DNAH6: variants seen among roughly 807,000 people sequenced by gnomAD.
DNAH6 encodes dynein axonemal heavy chain 6, also known as axonemal beta dynein heavy chain 6.
DNAH6 carries 340 observed loss-of-function variants against 491.4 expected under a neutral mutation model. The observed-to-expected ratio is 0.69, with a 90% CI of 0.63 to 0.76. The LOEUF (loss-of-function observed/expected upper bound fraction) is 0.76. Ranked by LOEUF, DNAH6 falls within the 30% of genes least tolerant of loss-of-function variation. DNAH6 has a pLI of 0.00. For synonymous variants in DNAH6, 1,603 were observed against 1,686.1 expected (o/e 0.95, Z 1.21); for missense variants, 4,443 against 4,972.2 (o/e 0.89, Z 3.20).
At chr2:84,683,109 C>A (rs1693940179) in intron 42 of DNAH6, among the ~76,000 whole-genome samples, 1 of 152,184 alleles carries the variant, frequency 6.6e-6, no homozygotes. Flanking sequence ...ACCTTCTCAG[C>A]AAAACTTCCC....
At chr2:84,574,266 G>A (rs1306870393) in intron 12 of DNAH6, among the ~76,000 whole-genome samples, 1 of 151,560 alleles carries the variant, frequency 6.6e-6, no homozygotes, top group Non-Finnish European at 1.5e-5. Context: ...CTATGAACCA[G>A]CACTAATTTT....
chr2:84,665,685 G>A (rs1410424426), intron 37 of DNAH6, among the ~76,000 whole-genome samples: 1 of 152,150 alleles, frequency 6.6e-6, no homozygotes, highest in African/African-American at 2.4e-5. Flanking sequence ...AGAGGAGCTG[G>A]TACCATTCCT....
the DNAH6 span, among the ~76,000 whole-genome samples, chr2:84,479,863 G>T: frequency 1.3e-5 from 2 of 152,248 alleles, no homozygotes; most frequent in African/African-American, 4.8e-5. Context: ...GGTTATGGAA[G>T]CTCTGGCTCA....
intron 33 of DNAH6, among the ~76,000 whole-genome samples, chr2:84,650,743 C>G (rs1690378718): frequency 6.6e-6 from 1 of 152,226 alleles, no homozygotes; most frequent in East Asian, 1.9e-4. Flanking sequence ...ATAAATTTGT[C>G]AGACAGTTTT....
chr2:84,673,087 G>A (rs1404803104), intron 40 of DNAH6, among the ~76,000 whole-genome samples: 6 of 152,172 alleles, frequency 3.9e-5, no homozygotes, highest in Non-Finnish European at 5.9e-5. Context: ...TTCAGGGGTG[G>A]GGCTGGGTTG....
intron 11 of DNAH6, among the ~76,000 whole-genome samples, chr2:84,558,571 C>A (rs886291302): frequency 2.6e-5 from 4 of 152,148 alleles, no homozygotes; most frequent in Non-Finnish European, 4.4e-5. Flanking sequence ...GACTCACCAG[C>A]CAACACAATT....
At chr2:84,727,991 C>T in intron 61 of DNAH6, 89 bp downstream of exon 61, 1 of 843,206 alleles carries the variant, frequency 1.2e-6, no homozygotes, top group Non-Finnish European at 1.9e-6. Context: ...CCATAATTCC[C>T]ATGTGCTGTA....
At chr2:84,574,494 A>T (rs1573068216) in intron 12 of DNAH6, among the ~76,000 whole-genome samples, 2 of 152,196 alleles carry the variant, frequency 1.3e-5, no homozygotes, top group East Asian at 3.9e-4. Context: ...CCAGGGATCA[A>T]GTCCAAGATC....
At chr2:84,734,093 T>C (rs1053464257) in intron 62 of DNAH6, among the ~76,000 whole-genome samples, 27 of 152,136 alleles carry the variant, frequency 1.8e-4, no homozygotes, top group African/African-American at 5.8e-4. Context: ...ACATTCTGTA[T>C]TCATTTTTCC....
chr2:84,504,645 T>C, the DNAH6 span, among the ~76,000 whole-genome samples: 2 of 152,176 alleles, frequency 1.3e-5, no homozygotes, highest in African/African-American at 4.8e-5. Flanking sequence ...ACACTGTGGT[T>C]TTTGCAGACT....
At chr2:84,811,940 T>G (rs1680022991) in intron 72 of DNAH6, among the ~76,000 whole-genome samples, 1 of 151,676 alleles carries the variant, frequency 6.6e-6, no homozygotes, top group Admixed American at 6.6e-5. Context: ...AAATGACCAG[T>G]AGCATGAGGT....
chr2:84,465,494 C>G, the DNAH6 span, among the ~76,000 whole-genome samples: 1 of 147,292 alleles, frequency 6.8e-6, no homozygotes, highest in Non-Finnish European at 1.5e-5. Context: ...GACTCTGTCT[C>G]AAAACAAAAA....
At chr2:84,520,766 T>A (rs1676056344) in intron 2 of DNAH6, among the ~76,000 whole-genome samples, 1 of 152,162 alleles carries the variant, frequency 6.6e-6, no homozygotes, top group African/African-American at 2.4e-5. Context: ...GGCTGTGTAG[T>A]ATTTCATGGT....
intron 52 of DNAH6, 88 bp from the exon 53 acceptor site, chr2:84,706,808 T>C (rs1696497434): frequency 2.1e-6 from 3 of 1,425,820 alleles, no homozygotes; most frequent in Admixed American, 3.4e-5. Flanking sequence ...GAGGAACATA[T>C]ATAAAATTTT....
chr2:84,460,508 T>C, the DNAH6 span, among the ~76,000 whole-genome samples: 7 of 152,374 alleles, frequency 4.6e-5, no homozygotes, highest in Non-Finnish European at 8.8e-5. Flanking sequence ...ATTTAATTGA[T>C]AAAATGCATG....
At chr2:84,538,086 A>C (rs942535894) in intron 4 of DNAH6, among the ~76,000 whole-genome samples, 8 of 152,142 alleles carry the variant, frequency 5.3e-5, no homozygotes, top group African/African-American at 1.4e-4. Flanking sequence ...TTAAGTTCAC[A>C]TAGCTAGTGA....
chr2:84,660,218 G>T (rs1447637706), intron 37 of DNAH6, among the ~76,000 whole-genome samples: 1 of 152,126 alleles, frequency 6.6e-6, no homozygotes, highest in Non-Finnish European at 1.5e-5. Context: ...ATTTTATGTT[G>T]CATAGTAAAA....
intron 24 of DNAH6, among the ~76,000 whole-genome samples, chr2:84,620,692 G>T (rs1484952663): frequency 6.6e-6 from 1 of 152,114 alleles, no homozygotes; most frequent in African/African-American, 2.4e-5. Flanking sequence ...GCTCATCACT[G>T]GTGCAGAAGA....
intron 50 of DNAH6, 77 bp downstream of exon 50, chr2:84,703,639 G>C: frequency 8.1e-7 from 1 of 1,230,068 alleles, no homozygotes; most frequent in Non-Finnish European, 1.1e-6. Context: ...GACACGATTG[G>C]ATTTTTTTAT....
Sources: allele counts gnomAD v4.1 joint callset (sites outside exome capture counted in the v4.1 genomes callset), GRCh38; gene constraint gnomAD v4.1.1; transcripts MANE v1.5; gene names NCBI Gene and HGNC (gene_info 2026-07-23, HGNC 2026-07-21).